The following HGD variants were observed in gnomAD, a reference collection of about 807,000 sequenced individuals.
HGD encodes homogentisate 1,2-dioxygenase.
Under a neutral mutation model 60.8 loss-of-function variants are expected in HGD, and 61 were observed. The observed-to-expected ratio is 1.00, with a 90% CI of 0.82 to 1.24. The LOEUF is 1.24. HGD is among the 50% of genes most tolerant of loss of function. HGD has a pLI of 0.00. For missense variants in HGD, 542 were observed against 547.1 expected, an observed-to-expected ratio of 0.99 and a Z score of 0.09; for synonymous variants, 212 against 187.7, an observed-to-expected ratio of 1.13 and a Z score of -1.06.
chr3:120,680,671 G>C (rs2107564815), intron 1 of HGD, among the ~76,000 whole-genome samples: 1 of 151,986 alleles, frequency 6.6e-6, no homozygotes, highest in South Asian at 2.1e-4. Flanking sequence ...TATTCCCCTA[G>C]CCCTGCCCAC....
chr3:120,637,157 T>C (rs577945500), intron 12 of HGD, among the ~76,000 whole-genome samples: 1 of 152,322 alleles, frequency 6.6e-6, no homozygotes, highest in Admixed American at 6.5e-5. Flanking sequence ...GCATGCTATA[T>C]ATCAGGCACT....
chr3:120,666,409 G>A (rs2236994), intron 4 of HGD, among the ~76,000 whole-genome samples: 7,985 of 152,148 alleles, frequency 0.052, 377 homozygotes, highest in South Asian at 0.12. Flanking sequence ...TGGGAAGCGG[G>A]GAGAAGGGGA....
intron 7 of HGD, 57 bp downstream of exon 7, chr3:120,647,820 C>T: frequency 2.3e-6 from 3 of 1,283,868 alleles, no homozygotes; most frequent in Admixed American, 3.4e-5. Flanking sequence ...AATTAGAAAG[C>T]AGCTTGCGGT....
intron 4 of HGD, among the ~76,000 whole-genome samples, chr3:120,660,091 G>C (rs1559794882): frequency 2.0e-5 from 3 of 152,038 alleles, no homozygotes; most frequent in Admixed American, 2.0e-4. Context: ...TCCTGCTCCT[G>C]CCATCTGAGA....
chr3:120,669,447 G>GCACACACACACACACACACA (rs59426684), intron 4 of HGD, among the ~76,000 whole-genome samples: 7 of 145,620 alleles, frequency 4.8e-5, no homozygotes, highest in African/African-American at 1.8e-4. Context: ...GTGCGCATGT[G>GCACACACACACACACACACA]CACACACACA....
rs757871997 is a variant in HGD at position 120,659,938 on chromosome 3, GAGA to G, written c.283-7290_283-7288del. Among the ~76,000 whole-genome samples the G allele has an allele frequency of 9.5e-3, 1,384 of 145,822 alleles. 18 individuals are homozygous for G. Among genetic ancestry groups the G allele is most frequent in the African/African-American group, 0.023 (923 of 40,048 alleles). On this transcript the variant is annotated intron_variant, in intron 4 of 13. Transcript: ENST00000283871. ...TCATATGATGGGAGCAGGAGCAAGA[GAGA>G]GTGGGGGGTGGTTGCATAATGGGGG...
intron 4 of HGD, among the ~76,000 whole-genome samples, chr3:120,656,830 G>C (rs1941513119): frequency 1.3e-5 from 2 of 152,162 alleles, no homozygotes; most frequent in South Asian, 4.1e-4. Context: ...GGGATTACAG[G>C]CATGAGCCAC....
chr3:120,644,503 T>C (rs1462191618), intron 9 of HGD, 60 bp from the exon 10 acceptor site: 2 of 1,611,836 alleles, frequency 1.2e-6, no homozygotes, highest in South Asian at 1.1e-5. Context: ...AAGATGCCCA[T>C]GGTTGCATGA....
intron 13 of HGD, among the ~76,000 whole-genome samples, chr3:120,631,272 T>A (rs935482967): frequency 3.9e-5 from 6 of 152,060 alleles, no homozygotes; most frequent in African/African-American, 1.4e-4. Context: ...AAAAAATGAA[T>A]AAGACCTAGC....
At chr3:120,652,507 CT>C in intron 5 of HGD, 84 bp downstream of exon 5, 1 of 980,856 alleles carries the variant, frequency 1.0e-6, no homozygotes. Flanking sequence ...GCTGCTTCTG[CT>C]TGGCATTCAG....
chr3:120,660,247 T>C (rs1403537266), intron 4 of HGD, among the ~76,000 whole-genome samples: 3 of 152,172 alleles, frequency 2.0e-5, no homozygotes, highest in Middle Eastern at 6.3e-3. Context: ...AATTTCTTTA[T>C]AGCAGTGCAA....
At chr3:120,668,930 A>C (rs1337774365) in intron 4 of HGD, among the ~76,000 whole-genome samples, 1 of 152,186 alleles carries the variant, frequency 6.6e-6, no homozygotes, top group Non-Finnish European at 1.5e-5. Context: ...GGTTAAAAAA[A>C]GAGCTCAGTC....
At chr3:120,682,023 A>G in intron 1 of HGD, 74 bp downstream of exon 1, 1 of 1,386,454 alleles carries the variant, frequency 7.2e-7, no homozygotes, top group Non-Finnish European at 1.0e-6. Flanking sequence ...CAACTCTGAT[A>G]CCCTGAAGTT....
At chr3:120,682,059 T>G in intron 1 of HGD, 38 bp downstream of exon 1, 3 of 1,608,572 alleles carry the variant, frequency 1.9e-6, no homozygotes, top group Non-Finnish European at 1.7e-6. Context: ...AAATTTTGGC[T>G]GAAGAAGCCA....
chr3:120,648,107 C>T (rs1437225723), intron 6 of HGD, among the ~76,000 whole-genome samples, 196 bp from the exon 7 acceptor site: 1 of 152,162 alleles, frequency 6.6e-6, no homozygotes, highest in Non-Finnish European at 1.5e-5. Flanking sequence ...CAAATAATTA[C>T]AGAACAATAT....
intron 1 of HGD, among the ~76,000 whole-genome samples, chr3:120,680,911 A>T: frequency 6.6e-6 from 1 of 151,764 alleles, no homozygotes; most frequent in East Asian, 1.9e-4. Flanking sequence ...CCTTTAGGAA[A>T]TTTTTTTTTG....
chr3:120,642,536 T>G (rs1033898338), intron 10 of HGD, among the ~76,000 whole-genome samples: 1 of 152,164 alleles, frequency 6.6e-6, no homozygotes, highest in African/African-American at 2.4e-5. Context: ...AAAAAATACA[T>G]AAAGCATTGA....
intron 4 of HGD, among the ~76,000 whole-genome samples, chr3:120,656,837 C>T (rs553790855): frequency 2.9e-4 from 44 of 152,312 alleles, no homozygotes; most frequent in African/African-American, 1.0e-3. Context: ...CAGGCATGAG[C>T]CACTGTGCCT....
chr3:120,653,842 A>G (rs1238168400), intron 4 of HGD, among the ~76,000 whole-genome samples: 2 of 152,188 alleles, frequency 1.3e-5, no homozygotes, highest in Non-Finnish European at 2.9e-5. Flanking sequence ...ACACGAAATA[A>G]TTCTTTGTTG....
Sources: allele counts gnomAD v4.1 joint callset (sites outside exome capture counted in the v4.1 genomes callset), GRCh38; gene constraint gnomAD v4.1.1; transcripts MANE v1.5; gene names NCBI Gene and HGNC (gene_info 2026-07-23, HGNC 2026-07-21).